Variants in CDH12 observed in about 807,000 individuals in gnomAD.
CDH12 encodes the protein cadherin-12.
In CDH12, 41 loss-of-function variants were observed where a neutral mutation model predicts 74.1. The observed-to-expected ratio is 0.55, with a 90% CI of 0.43 to 0.72. CDH12 has a LOEUF of 0.72. Among genes scored for constraint, CDH12 ranks in the 30% least tolerant of loss-of-function variants. The pLI, the probability that CDH12 is intolerant of heterozygous loss-of-function variation, is 0.00. For synonymous variants in CDH12, 399 were observed against 355.0 expected (o/e 1.12, Z -1.39); for missense variants, 945 against 977.2 (o/e 0.97, Z 0.44).
In CDH12 at chr5:21,947,202, T is replaced by C. The variant is rs186464619; in HGVS notation, c.526+27889A>G. On this transcript the variant is annotated intron_variant, in intron 6 of 14. Coordinates refer to ENST00000382254, the MANE Select transcript of CDH12 (RefSeq NM_004061.5). The stretch of plus-strand genomic sequence containing the variant: ...CTTGGGTAGTATCTTTATAGCAGTG[T>C]GAGAACAGACTAATAGAGTAAATTG... 5.7e-3 allele frequency among the ~76,000 whole-genome samples: 867 copies of C among 152,216 alleles called. 11 individuals are homozygous for C. Among genetic ancestry groups the C allele is most frequent in the African/African-American group, 0.02 (830 of 41,532 alleles).
rs527586516 is a variant in CDH12 at position 22,145,767 on chromosome 5, G to T, written c.-187+66731C>A. Among the ~76,000 whole-genome samples, 149 of 152,082 alleles carry T rather than the reference G, an allele frequency of 9.8e-4. 1 individual carries two copies. Among genetic ancestry groups the T allele is most frequent in the Admixed American group, 4.1e-3 (62 of 15,266 alleles). ...TAGTTTCGAGACAGACATACAGTAG[G>T]GACATCGAAGGTACAAAATAGAGCA... On this transcript the variant is annotated intron_variant, in intron 4 of 14. Coordinates refer to ENST00000382254, the MANE Select transcript of CDH12 (RefSeq NM_004061.5).
At chr5:22,705,130 T>TATATATATATAC (rs752782183) in intron 1 of CDH12, among the ~76,000 whole-genome samples, 228 of 125,614 alleles carry the variant, frequency 1.8e-3, no homozygotes, top group Middle Eastern at 4.5e-3. Flanking sequence ...TATATATATA[T>TATATATATATAC]ACACACACAC....
chr5:22,489,332 C>T (rs1271845352), intron 2 of CDH12, among the ~76,000 whole-genome samples: 1 of 151,886 alleles, frequency 6.6e-6, no homozygotes, highest in African/African-American at 2.4e-5. Context: ...GCTGGGATTA[C>T]AGGCGTGAGC....
chr5:22,691,765 C>T (rs1580892418), intron 1 of CDH12, among the ~76,000 whole-genome samples: 1 of 152,150 alleles, frequency 6.6e-6, no homozygotes, highest in South Asian at 2.1e-4. Context: ...ACCCTATCCC[C>T]CACACTAATT....
intron 3 of CDH12, among the ~76,000 whole-genome samples, chr5:22,269,623 C>T (rs1241974831): frequency 6.6e-6 from 1 of 152,098 alleles, no homozygotes; most frequent in Non-Finnish European, 1.5e-5. Flanking sequence ...AACTGAATAT[C>T]TTCTTAGATT....
chr5:22,165,881 A>G (rs1748654252), intron 4 of CDH12, among the ~76,000 whole-genome samples: 1 of 152,202 alleles, frequency 6.6e-6, no homozygotes, highest in South Asian at 2.1e-4. Flanking sequence ...AAGATCAGGA[A>G]GTTACCCTAT....
At chr5:22,207,683 C>T (rs541018466) in intron 4 of CDH12, among the ~76,000 whole-genome samples, 1 of 152,248 alleles carries the variant, frequency 6.6e-6, no homozygotes, top group South Asian at 2.1e-4. Flanking sequence ...TAAAATGGCT[C>T]CTAAGTTACA....
At chr5:21,908,676 T>G (rs1426828410) in intron 6 of CDH12, among the ~76,000 whole-genome samples, 1 of 152,210 alleles carries the variant, frequency 6.6e-6, no homozygotes, top group Non-Finnish European at 1.5e-5. Context: ...GAGGCACTTC[T>G]GGGTGCAGCA....
chr5:22,219,713 T>C (rs920723253), intron 3 of CDH12, among the ~76,000 whole-genome samples: 2 of 151,654 alleles, frequency 1.3e-5, no homozygotes, highest in African/African-American at 4.8e-5. Flanking sequence ...ATTTGGGTAG[T>C]TCACTGCCTA....
chr5:22,215,042 C>T (rs1242621885), intron 3 of CDH12, among the ~76,000 whole-genome samples: 1 of 152,222 alleles, frequency 6.6e-6, no homozygotes, highest in African/African-American at 2.4e-5. Flanking sequence ...CTGTCTATTA[C>T]ATGCTTGCTA....
chr5:21,892,604 G>A (rs1203320138), intron 6 of CDH12, among the ~76,000 whole-genome samples: 1 of 152,162 alleles, frequency 6.6e-6, no homozygotes, highest in Admixed American at 6.5e-5. Context: ...CTCACAGTAT[G>A]TATTAAAAGT....
intron 3 of CDH12, among the ~76,000 whole-genome samples, chr5:22,255,979 CACT>C (rs981646121): frequency 1.3e-5 from 2 of 151,986 alleles, no homozygotes; most frequent in Admixed American, 6.6e-5. Context: ...GTATACTAGG[CACT>C]GTGTAACGAC....
chr5:21,926,027 T>C (rs1754570367), intron 6 of CDH12, among the ~76,000 whole-genome samples: 1 of 152,202 alleles, frequency 6.6e-6, no homozygotes, highest in Middle Eastern at 3.2e-3. Flanking sequence ...AATACACATC[T>C]TGTCATCTTT....
intron 1 of CDH12, among the ~76,000 whole-genome samples, chr5:22,816,338 G>C (rs1020936612): frequency 4.6e-5 from 7 of 152,118 alleles, no homozygotes; most frequent in African/African-American, 1.7e-4. Flanking sequence ...CCAAGGGCTA[G>C]TCCGTAAAGC....
chr5:22,537,824 G>T (rs920994083), intron 1 of CDH12, among the ~76,000 whole-genome samples: 1 of 152,170 alleles, frequency 6.6e-6, no homozygotes. Flanking sequence ...TTTTGTGTTT[G>T]TTTCCGCTTT....
chr5:22,606,190 T>A lies in CDH12; in HGVS notation c.-522-100826A>T, dbSNP rs563201643. Among the ~76,000 whole-genome samples, 4 of 152,216 alleles carry A rather than the reference T, an allele frequency of 2.6e-5. No individual in the cohort carries two copies. In the South Asian group the frequency reaches 8.3e-4, roughly 32 times the overall value. On this transcript the variant is annotated intron_variant, in intron 1 of 14. Coordinates refer to ENST00000382254, the MANE Select transcript of CDH12 (RefSeq NM_004061.5). ...TCCCAGCATCCAGGAGTACCAGATC[T>A]TTGAATTTAGGGACAGGATCTGGCC...
At chr5:22,844,028 A>G (rs1259721993) in intron 1 of CDH12, among the ~76,000 whole-genome samples, 1 of 152,070 alleles carries the variant, frequency 6.6e-6, no homozygotes, top group Non-Finnish European at 1.5e-5. Flanking sequence ...AAGGATGCTT[A>G]TTTGTATACA....
intron 6 of CDH12, among the ~76,000 whole-genome samples, chr5:21,954,776 T>C (rs908798544): frequency 1.9e-4 from 29 of 152,204 alleles, no homozygotes; most frequent in African/African-American, 6.7e-4. Flanking sequence ...AGAGAGAGAT[T>C]AGTTATTAAT....
chr5:22,479,727 G>T (rs541701010), intron 2 of CDH12, among the ~76,000 whole-genome samples: 89 of 152,324 alleles, frequency 5.8e-4, no homozygotes, highest in African/African-American at 2.0e-3. Flanking sequence ...TTCAATAAAA[G>T]TTATAATAGT....
Sources: gnomAD v4.1 joint callset for allele counts (sites outside exome capture counted in the v4.1 genomes callset) on GRCh38, gnomAD v4.1.1 for gene constraint, MANE v1.5 for transcripts, NCBI Gene and HGNC (gene_info 2026-07-23, HGNC 2026-07-21) for gene names.